The following NOD2 variants were observed in gnomAD, a reference collection of about 807,000 sequenced individuals.
NOD2 encodes the protein nucleotide-binding oligomerization domain-containing protein 2.
Under a neutral mutation model 90.9 loss-of-function variants are expected in NOD2, and 86 were observed. The observed-to-expected ratio is 0.95, with a 90% confidence interval of 0.79 to 1.13. NOD2 has a LOEUF of 1.13. Among genes scored for constraint, NOD2 ranks in the 50% most tolerant of loss-of-function variants. The pLI is 0.00. For synonymous variants in NOD2, 581 were observed against 554.6 expected, an observed-to-expected ratio of 1.05 and a Z score of -0.67; for missense variants, 1,238 against 1,283.8, an observed-to-expected ratio of 0.96 and a Z score of 0.55.
chr16:50,719,014 G>A (rs569859470), intron 6 of NOD2, among the ~76,000 whole-genome samples: 2 of 152,288 alleles, frequency 1.3e-5, no homozygotes, highest in South Asian at 4.2e-4. Flanking sequence ...GGACTTCAGT[G>A]CAGTCCTAAG....
At chr16:50,703,098 A>T (rs536193518) in intron 2 of NOD2, among the ~76,000 whole-genome samples, 1 of 152,226 alleles carries the variant, frequency 6.6e-6, no homozygotes, top group Non-Finnish European at 1.5e-5. Context: ...CATACAGAAG[A>T]GTGTGTATAT....
rs1282634444 is a variant in NOD2 at position 50,729,849 on chromosome 16, G to A, written c.2917G>A (p.Ala973Thr). ...LSNNCITYLG[A>T]EALLQALERN... ...CAATAACTGCATCACCTACCTAGGG[G>A]CAGAAGCCCTCCTGCAGGCCCTTGA... The change falls in exon 11 of 12, where the codon GCA (alanine) becomes ACA (threonine). Residue 973 changes from alanine to threonine, a missense_variant. Around this residue, in one of 3 missense-constraint regions of NOD2, gnomAD observed 667 missense variants for 688.7 expected, o/e 0.97. Transcript: ENST00000647318. The A allele has an allele frequency of 2.6e-5, 42 of 1,612,998 alleles. No homozygotes were observed. In the Middle Eastern group the frequency reaches 4.9e-4, roughly 19 times the overall value.
chr16:50,710,145 A>G (rs929999344), intron 3 of NOD2: 2 of 404,832 alleles, frequency 4.9e-6, no homozygotes, highest in African/African-American at 2.1e-5. Context: ...CAGGACAGAT[A>G]TCAGAATACA....
chr16:50,721,150 A>G (rs147017626), intron 7 of NOD2, among the ~76,000 whole-genome samples: 256 of 152,062 alleles, frequency 1.7e-3, no homozygotes, highest in Middle Eastern at 6.8e-3. Flanking sequence ...TGCTCTAGAA[A>G]TCAACATCTT....
intron 11 of NOD2, among the ~76,000 whole-genome samples, chr16:50,730,123 A>G (rs1381312130): frequency 6.6e-6 from 1 of 152,204 alleles, no homozygotes; most frequent in African/African-American, 2.4e-5. Flanking sequence ...AACCTTGACT[A>G]TTTATTCAGC....
At position 50,711,089 on chromosome 16, in the gene NOD2, G is replaced by A. The variant is rs140918872; in HGVS notation, c.1097G>A (p.Arg366His). 1.3e-4 allele frequency: 213 copies of A among 1,614,108 alleles called. No individual in the cohort carries two copies. The highest frequency in any genetic ancestry group is 1.5e-4 in the Non-Finnish European group (182 of 1,180,014). ...EFKFRFTDRE[R>H]HCSPTDPTSV... is the part of the protein sequence containing the mutation. The stretch of plus-strand genomic sequence containing the variant: ...AAGTTCAGGTTCACGGATCGTGAAC[G>A]CCACTGCTCCCCGACCGACCCCACC... Residue 366 changes from arginine (R) to histidine (H), a missense_variant, in exon 4 of 12, where the codon CGC becomes CAC. Arg to His is a conservative substitution (Grantham distance 29). Transcript: ENST00000647318.
At position 50,699,846 on chromosome 16, in the gene NOD2, G is replaced by A. The variant is rs770343724; in HGVS notation, c.351G>A (p.Arg117=). 6.2e-7 allele frequency: 1 copy of A among 1,613,228 alleles called. No homozygotes were observed. The highest frequency in any genetic ancestry group is 2.2e-5 in the East Asian group (1 of 44,878). ...LQSHRPAIVR[R]LHSHVENMLD... is the part of the protein sequence containing the mutation. ...GTCACCGGCCAGCCATTGTCAGGAG[G>A]CTCCACAGCCATGTGGAGAACATGC... is the stretch of plus-strand genomic sequence containing the variant. Residue 117 remains arginine, a synonymous_variant, in exon 2 of 12, where the codon AGG becomes AGA. Transcript: ENST00000647318.
chr16:50,732,075 A>G lies in NOD2; in HGVS notation c.*256A>G. The stretch of plus-strand genomic sequence containing the variant: ...CCAAGATTCAATCCCAGGATGTACA[A>G]GGACAGCCCCTCCTCCATAGTATGG... On this transcript the variant is annotated 3_prime_UTR_variant, in exon 12 of 12. Coordinates refer to ENST00000647318, the MANE Select transcript of NOD2 (RefSeq NM_001370466.1). The G allele has an allele frequency of 2.0e-6, 1 of 507,980 alleles. No homozygotes were observed. Among genetic ancestry groups the G allele is most frequent in the Admixed American group, 2.9e-5 (1 of 34,488 alleles). 31.5% of individuals were successfully genotyped at this position (507,980 alleles called of 1,614,324 possible). A position where few individuals can be genotyped will look rare whatever the true frequency, so the allele number is the denominator to read the frequency against.
intron 7 of NOD2, among the ~76,000 whole-genome samples, chr16:50,721,410 T>C (rs1323979158): frequency 1.3e-5 from 2 of 151,566 alleles, no homozygotes; most frequent in African/African-American, 4.8e-5. Context: ...GTTTTTGTTG[T>C]TGTTTTTTTT....
chr16:50,727,044 G>A (rs1308274122), intron 10 of NOD2, among the ~76,000 whole-genome samples: 1 of 151,396 alleles, frequency 6.6e-6, no homozygotes, highest in Non-Finnish European at 1.5e-5. Context: ...GGAAGCTGAG[G>A]CAGGAGAATC....
chr16:50,722,574 T>C (rs1567403446), intron 7 of NOD2, 48 bp from the exon 8 acceptor site: 9 of 1,527,580 alleles, frequency 5.9e-6, no homozygotes, highest in African/African-American at 1.4e-5. Context: ...CTAGAACACA[T>C]ATCAGGTACT....
chr16:50,711,094 T>C lies in NOD2; in HGVS notation c.1102T>C (p.Cys368Arg). The C allele has an allele frequency of 6.2e-7, 1 of 1,614,204 alleles. No individual in the cohort carries two copies. Among genetic ancestry groups the C allele is most frequent in the Admixed American group, 1.7e-5 (1 of 60,030 alleles). Residue 368 changes from cysteine to arginine, a missense_variant, in exon 4 of 12, where the codon TGC becomes CGC. Cys to Arg is a radical substitution (Grantham distance 180). This residue lies in a region of NOD2 where 567 missense variants were observed against 577.3 expected (regional missense o/e 0.98). Coordinates refer to ENST00000647318, the MANE Select transcript of NOD2 (RefSeq NM_001370466.1). ...CAGGTTCACGGATCGTGAACGCCAC[T>C]GCTCCCCGACCGACCCCACCTCTGT... is the stretch of plus-strand genomic sequence containing the variant. ...KFRFTDRERHCSPTDPTSVQT... is the reference protein window; with the variant it reads ...KFRFTDRERHRSPTDPTSVQT...
chr16:50,728,710 G>A (rs1320635884), intron 10 of NOD2, among the ~76,000 whole-genome samples: 1 of 152,132 alleles, frequency 6.6e-6, no homozygotes, highest in Non-Finnish European at 1.5e-5. Context: ...TGGGAAAGGG[G>A]GAGGACCTGG....
chr16:50,694,377 C>T (rs1438447539), intron 1 of NOD2, among the ~76,000 whole-genome samples: 1 of 152,176 alleles, frequency 6.6e-6, no homozygotes, highest in African/African-American at 2.4e-5. Context: ...TCCCCTGACC[C>T]CTTAGTGAAA....
chr16:50,723,293 A>G lies in NOD2; in HGVS notation c.2718-8A>G. Reference sequence around the variant, plus strand: ...TCTGACATACTTTTGTTCCATGATTACCTCCAGCCTGGTGGGGAACAACAT... The same window carrying G: ...TCTGACATACTTTTGTTCCATGATTGCCTCCAGCCTGGTGGGGAACAACAT... On this transcript the variant is annotated splice_polypyrimidine_tract_variant and splice_region_variant and intron_variant, in intron 8 of 11. Transcript: ENST00000647318. 6.2e-7 allele frequency: 1 copy of G among 1,613,328 alleles called. No individual in the cohort carries two copies. The highest frequency in any genetic ancestry group is 8.5e-7 in the Non-Finnish European group (1 of 1,179,574).
rs1372549759 is a variant in NOD2, at chr16:50,729,815, C to T, written c.2886-3C>T. 14 of 1,610,600 alleles carry T rather than the reference C, an allele frequency of 8.7e-6. No homozygotes were observed. The highest frequency in any genetic ancestry group is 2.2e-5 in the South Asian group (2 of 90,954). On this transcript the variant is annotated splice_polypyrimidine_tract_variant and splice_region_variant and intron_variant, in intron 10 of 11. Coordinates refer to ENST00000647318, the MANE Select transcript of NOD2 (RefSeq NM_001370466.1). Reference sequence around the variant, plus strand: ...AAGCTCACCATTGTATCTTCTTTTCCAGGTTGTCCAATAACTGCATCACCT... The same window carrying T: ...AAGCTCACCATTGTATCTTCTTTTCTAGGTTGTCCAATAACTGCATCACCT...
At position 50,699,742 on chromosome 16, in the gene NOD2, G is replaced by A. The variant is rs571102620; in HGVS notation, c.247G>A (p.Ala83Thr). ...CQKLIAAAQE[A>T]QADSQSPKLH... is the part of the protein sequence containing the mutation. ...GAAGCTCATCGCGGCTGCCCAAGAA[G>A]CCCAGGCCGACAGCCAGTCCCCCAA... is the stretch of plus-strand genomic sequence containing the variant. Residue 83 changes from alanine (A) to threonine (T), a missense_variant, in exon 2 of 12, where the codon GCC becomes ACC. Physicochemically the swap from Ala to Thr is moderately conservative, Grantham distance 58. Around this residue, in one of 3 missense-constraint regions of NOD2, gnomAD observed 567 missense variants for 577.3 expected, o/e 0.98. Transcript: ENST00000647318. The A allele has an allele frequency of 4.8e-5, 77 of 1,614,052 alleles. 1 individual carries two copies. In the East Asian group the frequency reaches 1.7e-3, roughly 35 times the overall value.
In NOD2 at chr16:50,719,918, C is replaced by A. The variant is rs771617588; in HGVS notation, c.2550-7C>A. ...GTTCTCTCAGCCTCCTCTGTCTTCC[C>A]TTCCAGGCTGGGGAATAACTACATC... On this transcript the variant is annotated splice_polypyrimidine_tract_variant and splice_region_variant and intron_variant, in intron 6 of 11. Transcript: ENST00000647318. The A allele has an allele frequency of 6.2e-7, 1 of 1,614,004 alleles. No homozygotes were observed. The highest frequency in any genetic ancestry group is 1.7e-5 in the Admixed American group (1 of 60,028).
intron 11 of NOD2, among the ~76,000 whole-genome samples, chr16:50,730,771 T>A (rs1865167226): frequency 6.6e-6 from 1 of 152,200 alleles, no homozygotes; most frequent in South Asian, 2.1e-4. Context: ...ACCAAGCCTA[T>A]TGTCTTAGAC....
Sources: allele counts gnomAD v4.1 joint callset (sites outside exome capture counted in the v4.1 genomes callset), GRCh38; gene constraint gnomAD v4.1.1; regional missense constraint gnomAD v4.1.1; transcripts MANE v1.5; gene names NCBI Gene and HGNC (gene_info 2026-07-23, HGNC 2026-07-21).